PPP1R9A: variants seen among roughly 807,000 people sequenced by gnomAD.
PPP1R9A encodes the protein neurabin-1.
Under a neutral mutation model 141.9 loss-of-function variants are expected in PPP1R9A, and 59 were observed. The observed-to-expected ratio is 0.42, with a 90% confidence interval of 0.34 to 0.52. The LOEUF is 0.52. PPP1R9A is among the 20% of genes least tolerant of loss of function. PPP1R9A has a pLI of 0.10. For synonymous variants in PPP1R9A, 500 were observed against 569.7 expected (o/e 0.88, Z 1.74); for missense variants, 1,444 against 1,611.9 (o/e 0.90, Z 1.78).
rs77528423 is a variant in PPP1R9A, at chr7:95,172,791, G to A, written c.1754+10820G>A. Among the ~76,000 whole-genome samples, 3,324 of 151,750 alleles carry A rather than the reference G, an allele frequency of 0.022. 188 individuals are homozygous for A. The East Asian group carries it at 0.24, about 11-fold the overall frequency. ...AGATGTTATTGTTAAAAAAAATTTC[G>A]GAGGACTTTCCCTGCCTGAAAGCAT... On this transcript the variant is annotated intron_variant, in intron 5 of 19. Transcript: ENST00000433360.
chr7:95,094,507 A>G (rs1817763891), intron 2 of PPP1R9A, among the ~76,000 whole-genome samples: 4 of 152,194 alleles, frequency 2.6e-5, no homozygotes, highest in Admixed American at 1.3e-4. Flanking sequence ...GTGGTGTATC[A>G]TAAGTTGCAG....
chr7:95,099,223 A>C (rs570129702), intron 2 of PPP1R9A, among the ~76,000 whole-genome samples: 1 of 152,330 alleles, frequency 6.6e-6, no homozygotes, highest in African/African-American at 2.4e-5. Flanking sequence ...ACTTCTTGGA[A>C]TGAGGAGTAA....
At chr7:94,959,658 A>G (rs10244480) in intron 2 of PPP1R9A, among the ~76,000 whole-genome samples, 95,582 of 151,416 alleles carry the variant, frequency 0.63, 31,388 homozygotes, top group East Asian at 1. Context: ...TTTAGTGCTA[A>G]TAAGATTTCT....
intron 3 of PPP1R9A, among the ~76,000 whole-genome samples, chr7:95,111,821 A>G (rs1471790999): frequency 6.6e-6 from 1 of 152,146 alleles, no homozygotes; most frequent in African/African-American, 2.4e-5. Flanking sequence ...TAGTAGGGCT[A>G]CATCCTCTCC....
At chr7:95,152,497 G>A (rs1467978547) in intron 4 of PPP1R9A, among the ~76,000 whole-genome samples, 1 of 151,990 alleles carries the variant, frequency 6.6e-6, no homozygotes, top group African/African-American at 2.4e-5. Context: ...TATAAATCAA[G>A]GCAAATAAAA....
At position 94,910,994 on chromosome 7, in the gene PPP1R9A, G is replaced by T. The variant is rs767423846; in HGVS notation, c.881G>T (p.Gly294Val). 7 of 1,614,070 alleles carry T rather than the reference G, an allele frequency of 4.3e-6. No homozygotes were observed. In the South Asian group the frequency reaches 6.6e-5, roughly 15 times the overall value. The change falls in exon 2 of 20, where the codon GGT becomes GTT. Residue 294 changes from glycine (G) to valine (V), a missense_variant. This residue lies in a region of PPP1R9A where 490 missense variants were observed against 521.1 expected (regional missense o/e 0.94). Coordinates refer to ENST00000433360, the MANE Select transcript of PPP1R9A (RefSeq NM_001166160.2). This position sits in a 1 kb window ranked among gnomAD's most constrained non-coding sequence, Gnocchi z 4.5. ...AGTACCTCTCTAGCTTCGATACCTG[G>T]TGAAGAGATCCAGCAGAGCAAGGAA... Reference protein sequence around the residue: ...SKSTSLASIPGEEIQQSKEPE... With the variant: ...SKSTSLASIPVEEIQQSKEPE...
chr7:95,124,987 A>T (rs1823310052), intron 4 of PPP1R9A, among the ~76,000 whole-genome samples: 2 of 152,164 alleles, frequency 1.3e-5, no homozygotes, highest in African/African-American at 4.8e-5. Flanking sequence ...TAAATAGTTA[A>T]AAAGTTTTGA....
chr7:95,210,624 T>C (rs1011784264), intron 7 of PPP1R9A, among the ~76,000 whole-genome samples: 1 of 152,090 alleles, frequency 6.6e-6, no homozygotes, highest in African/African-American at 2.4e-5. Context: ...TGCCACCATT[T>C]GACCCAGCAA....
chr7:95,174,564 G>A (rs368201598), intron 5 of PPP1R9A, among the ~76,000 whole-genome samples: 2 of 152,020 alleles, frequency 1.3e-5, no homozygotes, highest in Non-Finnish European at 2.9e-5. Context: ...AATAGCTATC[G>A]TTAACTTAAA....
At chr7:95,009,137 A>T (rs772365756) in intron 2 of PPP1R9A, among the ~76,000 whole-genome samples, 117 of 150,370 alleles carry the variant, frequency 7.8e-4, no homozygotes, top group Non-Finnish European at 1.5e-3. Flanking sequence ...AACATCACAC[A>T]CCGGGGCCTG....
intron 2 of PPP1R9A, among the ~76,000 whole-genome samples, chr7:94,968,017 G>A (rs926291004): frequency 6.6e-6 from 1 of 152,142 alleles, no homozygotes. Flanking sequence ...AAGTGTTCAA[G>A]TCTCCCACTA....
chr7:94,931,121 A>G (rs1481577401), intron 2 of PPP1R9A, among the ~76,000 whole-genome samples: 1 of 152,196 alleles, frequency 6.6e-6, no homozygotes, highest in Non-Finnish European at 1.5e-5. Context: ...ATGATCTTAA[A>G]GTCTTCAGAG....
rs373020473 is a variant in PPP1R9A at position 94,932,421 on chromosome 7, C to T, written c.1395+20913C>T. Among the ~76,000 whole-genome samples, 476 of 152,264 alleles carry T rather than the reference C, an allele frequency of 3.1e-3. 41 individuals are homozygous for T. In the South Asian group the frequency reaches 0.095, roughly 30 times the overall value. On this transcript the variant is annotated intron_variant, in intron 2 of 19. Coordinates refer to ENST00000433360, the MANE Select transcript of PPP1R9A (RefSeq NM_001166160.2). The stretch of plus-strand genomic sequence containing the variant: ...CTTCTTAATATGCTACATAAATAGT[C>T]AGACCCCTTGTTTTTGTGAATGTTA...
intron 2 of PPP1R9A, among the ~76,000 whole-genome samples, chr7:95,013,386 C>T (rs929920050): frequency 5.3e-5 from 8 of 152,074 alleles, no homozygotes; most frequent in Non-Finnish European, 1.2e-4. Context: ...TTCCTTCATT[C>T]ATATTCCTTA....
rs1807104866 is a variant in PPP1R9A at position 95,296,399 on chromosome 7, G to C, written c.*6096G>C. The stretch of plus-strand genomic sequence containing the variant: ...AACGAATGCAATAAAAAGAAATACT[G>C]AGGTCTGTTGAAGCAATTTTTTTTC... On this transcript the variant is annotated 3_prime_UTR_variant, in exon 20 of 20. Transcript: ENST00000433360. The C allele has an allele frequency of 6.6e-6, 1 of 152,578 alleles. No homozygotes were observed. The highest frequency in any genetic ancestry group is 1.5e-5 in the Non-Finnish European group (1 of 68,026). The allele number at this position is 152,578 out of a possible 1,614,324, so 9.5% of individuals were successfully genotyped here. A position where few individuals can be genotyped will look rare whatever the true frequency, so the allele number is the denominator to read the frequency against.
chr7:95,022,141 T>C (rs1044167579), intron 2 of PPP1R9A, among the ~76,000 whole-genome samples: 4 of 152,200 alleles, frequency 2.6e-5, no homozygotes, highest in Non-Finnish European at 5.9e-5. Context: ...TCCTCTCTTA[T>C]TTCCTTGAGC....
chr7:95,215,883 G>C (rs1301775068), intron 7 of PPP1R9A, among the ~76,000 whole-genome samples: 1 of 152,146 alleles, frequency 6.6e-6, no homozygotes, highest in Admixed American at 6.6e-5. Flanking sequence ...CCCTTTGTCA[G>C]ATGAGTAGAT....
intron 4 of PPP1R9A, among the ~76,000 whole-genome samples, chr7:95,152,929 A>G (rs1016720989): frequency 1.3e-5 from 2 of 149,750 alleles, no homozygotes; most frequent in Admixed American, 6.7e-5. Flanking sequence ...GCTCACTGCA[A>G]CCTTCACCTC....
chr7:95,291,434 T>C lies in PPP1R9A; in HGVS notation c.*1131T>C, dbSNP rs1416853008. On this transcript the variant is annotated 3_prime_UTR_variant, in exon 20 of 20. Transcript: ENST00000433360. ...TTGAATGGTTTTTCCGAACCATTCC[T>C]TTCCATACTTCAAAGATTCTCAATT... 1 of 152,226 alleles carries C rather than the reference T, an allele frequency of 6.6e-6. No individual in the cohort carries two copies. The highest frequency in any genetic ancestry group is 1.5e-5 in the Non-Finnish European group (1 of 68,032). 9.4% of individuals were successfully genotyped at this position (152,226 alleles called of 1,614,324 possible). A position where few individuals can be genotyped will look rare whatever the true frequency, so the allele number is the denominator to read the frequency against.
Sources: allele counts gnomAD v4.1 joint callset (sites outside exome capture counted in the v4.1 genomes callset), GRCh38; gene constraint gnomAD v4.1.1; regional missense constraint gnomAD v4.1.1; non-coding constraint Gnocchi (gnomAD v3.1); transcripts MANE v1.5; gene names NCBI Gene and HGNC (gene_info 2026-07-23, HGNC 2026-07-21).